Variants in ADGRD1 observed in about 807,000 individuals in gnomAD.
ADGRD1 encodes G-protein coupled receptor 133.
In ADGRD1, 77 loss-of-function variants were observed where a neutral mutation model predicts 113.4. That is an observed-to-expected ratio of 0.68 (90% CI 0.57 to 0.82). The LOEUF is 0.82. Among genes scored for constraint, ADGRD1 ranks in the 40% least tolerant of loss-of-function variants. The probability of loss-of-function intolerance (pLI) is 0.00; values close to 1 mark genes in which losing one functional copy is unlikely to be tolerated. For synonymous variants in ADGRD1, 474 were observed against 475.0 expected (o/e 1.00, Z 0.03); for missense variants, 1,036 against 1,139.1 (o/e 0.91, Z 1.30).
intron 6 of ADGRD1, chr12:130,988,765 G>C (rs1213272807): frequency 1.9e-5 from 1 of 53,546 alleles, no homozygotes; most frequent in Non-Finnish European, 6.1e-5. Context: ...CTGTGGAAAA[G>C]AGGGAGCTTC....
At chr12:131,079,258 C>A (rs1885883947) in intron 14 of ADGRD1, among the ~76,000 whole-genome samples, 1 of 152,136 alleles carries the variant, frequency 6.6e-6, no homozygotes, top group African/African-American at 2.4e-5. Context: ...TTTATCTTCT[C>A]CCGAGTAGAG....
intron 14 of ADGRD1, among the ~76,000 whole-genome samples, chr12:131,077,301 G>A (rs540083180): frequency 2.0e-5 from 3 of 152,230 alleles, no homozygotes; most frequent in South Asian, 2.1e-4. Context: ...AAACCTTGCC[G>A]GCTCCACTGG....
At chr12:131,061,493 A>G (rs1436331897) in intron 13 of ADGRD1, among the ~76,000 whole-genome samples, 2 of 152,214 alleles carry the variant, frequency 1.3e-5, no homozygotes, top group East Asian at 3.8e-4. Flanking sequence ...TGACTCATTT[A>G]TAGTTGATCT....
chr12:131,138,115 C>T lies in ADGRD1; in HGVS notation c.2437-22C>T, dbSNP rs371223237. 2.6e-4 allele frequency: 421 copies of T among 1,607,860 alleles called. 2 individuals carry two copies. In the South Asian group the frequency reaches 3.9e-3, roughly 15 times the overall value. On this transcript the variant is annotated intron_variant, in intron 23 of 24. Transcript: ENST00000261654. ...GTTGCAGCCTCTGAAATTGCTCTCA[C>T]GATCCCTTCCCCGCTTTCAAGGTGA...
chr12:130,955,788 G>A lies in ADGRD1; in HGVS notation c.103+1128G>A, dbSNP rs4759810. On this transcript the variant is annotated intron_variant, in intron 2 of 24. Coordinates refer to ENST00000261654, the MANE Select transcript of ADGRD1 (RefSeq NM_198827.5). ...CAGCCTTTTTAAAAAAATTATTTTT[G>A]TTTTTATTTTTTGAGACAAAGTCTC... Among the ~76,000 whole-genome samples the A allele has an allele frequency of 4.6e-5, 7 of 151,850 alleles. No individual in the cohort carries two copies. In the East Asian group the frequency reaches 1.2e-3, roughly 26 times the overall value.
chr12:131,124,459 T>G (rs753965093), intron 20 of ADGRD1, among the ~76,000 whole-genome samples: 3 of 152,196 alleles, frequency 2.0e-5, no homozygotes, highest in Non-Finnish European at 4.4e-5. Context: ...ATTTGAAAAT[T>G]AAAAACTTTT....
intron 8 of ADGRD1, chr12:130,994,114 G>A (rs987139412): frequency 1.0e-5 from 3 of 296,416 alleles, no homozygotes; most frequent in East Asian, 1.7e-4. Context: ...CTAGGGTGGG[G>A]CCAAGGCTGC....
chr12:130,964,537 T>A (rs1000319521), intron 2 of ADGRD1, among the ~76,000 whole-genome samples: 2 of 151,934 alleles, frequency 1.3e-5, no homozygotes, highest in African/African-American at 4.8e-5. Context: ...AATACAAAAA[T>A]TGCCGGGCAT....
At chr12:131,112,512 A>G (rs945596287) in intron 18 of ADGRD1, among the ~76,000 whole-genome samples, 1 of 152,134 alleles carries the variant, frequency 6.6e-6, no homozygotes, top group African/African-American at 2.4e-5. Flanking sequence ...CAGCCGGAAT[A>G]TGGTTTATCT....
intron 20 of ADGRD1, among the ~76,000 whole-genome samples, chr12:131,124,996 G>A (rs1283365288): frequency 3.3e-5 from 5 of 152,120 alleles, no homozygotes; most frequent in East Asian, 1.9e-4. Flanking sequence ...TGGTTCTCCC[G>A]AGGCCTCTCT....
rs147551497 is a variant in ADGRD1 at position 131,048,980 on chromosome 12, GGA to G, written c.1474-27807_1474-27806del. On this transcript the variant is annotated intron_variant, in intron 13 of 24. Transcript: ENST00000261654. ...CAAGGAGAATGGGTTTTAAGGGATG[GGA>G]GAGAGAGAGAGAGGGTGAGAATGGG... Among the ~76,000 whole-genome samples the G allele has an allele frequency of 5.3e-5, 8 of 151,624 alleles. 1 individual carries two copies. Among genetic ancestry groups the G allele is most frequent in the Admixed American group, 3.9e-4 (6 of 15,240 alleles).
intron 19 of ADGRD1, among the ~76,000 whole-genome samples, chr12:131,120,386 A>T (rs1256357760): frequency 6.6e-6 from 1 of 151,804 alleles, no homozygotes; most frequent in African/African-American, 2.4e-5. Context: ...AATCACTAGG[A>T]CCCTCTGGAA....
intron 15 of ADGRD1, among the ~76,000 whole-genome samples, chr12:131,102,514 G>T (rs922110271): frequency 6.6e-6 from 1 of 152,220 alleles, no homozygotes; most frequent in Non-Finnish European, 1.5e-5. Context: ...CGGGCCCCCG[G>T]GAGGCCCCTG....
Position 131,136,096 on chromosome 12 carries a change from G to A in ADGRD1, c.2327G>A (p.Gly776Asp). 1 of 1,614,228 alleles carries A rather than the reference G, an allele frequency of 6.2e-7. No homozygotes were observed. Among genetic ancestry groups the A allele is most frequent in the Non-Finnish European group, 8.5e-7 (1 of 1,180,044 alleles). Residue 776 changes from glycine (G) to aspartate (D), a missense_variant, in exon 22 of 25, where the codon GGC (glycine) becomes GAC (aspartate). Transcript: ENST00000261654. ...LPILGTSWVF[G>D]VLAVNGCAVV... ...ATCCTGGGTACCTCGTGGGTCTTTG[G>A]CGTGCTTGCTGTCAACGGTTGTGCT...
At chr12:131,052,426 A>G (rs1042782430) in intron 13 of ADGRD1, among the ~76,000 whole-genome samples, 4 of 152,264 alleles carry the variant, frequency 2.6e-5, no homozygotes, top group Middle Eastern at 3.4e-3. Context: ...CTCTTCTTCT[A>G]TAGCTGGAAC....
At chr12:131,037,961 G>A (rs566246665) in intron 13 of ADGRD1, among the ~76,000 whole-genome samples, 13 of 149,072 alleles carry the variant, frequency 8.7e-5, no homozygotes, top group Admixed American at 2.7e-4. Context: ...TCACTGCACC[G>A]GGCCCCACTC....
intron 13 of ADGRD1, among the ~76,000 whole-genome samples, chr12:131,044,584 A>C (rs1275821552): frequency 1.3e-5 from 2 of 152,158 alleles, no homozygotes; most frequent in African/African-American, 2.4e-5. Flanking sequence ...AAACATTCCA[A>C]ATGCTGGCAG....
chr12:131,045,327 A>T (rs1226382572), intron 13 of ADGRD1, among the ~76,000 whole-genome samples: 1 of 152,164 alleles, frequency 6.6e-6, no homozygotes, highest in African/African-American at 2.4e-5. Context: ...GGAGGCAGGG[A>T]TCTCGTCTTC....
rs563191043 is a variant in ADGRD1 at position 131,125,481 on chromosome 12, T to A, written c.2175+4568T>A. 3.3e-5 allele frequency among the ~76,000 whole-genome samples: 5 copies of A among 152,170 alleles called. No homozygotes were observed. The South Asian group carries it at 6.2e-4, about 19-fold the overall frequency. On this transcript the variant is annotated intron_variant, in intron 20 of 24. Transcript: ENST00000261654. ...AAGCCAGGGTAGCTATGTGTCTACA[T>A]AGAGACAGAGATATGGTTACAGATA...
Sources: gnomAD v4.1 joint callset for allele counts (sites outside exome capture counted in the v4.1 genomes callset) on GRCh38, gnomAD v4.1.1 for gene constraint, MANE v1.5 for transcripts, NCBI Gene and HGNC (gene_info 2026-07-23, HGNC 2026-07-21) for gene names.